The following ROBO2 variants were observed in gnomAD, a reference collection of about 807,000 sequenced individuals.
The protein encoded by ROBO2 is roundabout homolog 2.
Under a neutral mutation model 160.8 loss-of-function variants are expected in ROBO2, and 53 were observed. That is an observed-to-expected ratio of 0.33 (90% CI 0.26 to 0.41). The LOEUF (loss-of-function observed/expected upper bound fraction) is 0.41. Among genes scored for constraint, ROBO2 ranks in the 10% least tolerant of loss-of-function variants. ROBO2 has a pLI of 1.00. For missense variants in ROBO2, 1,577 were observed against 1,722.4 expected (o/e 0.92, Z 1.49); for synonymous variants, 664 against 611.7 (o/e 1.09, Z -1.26).
At chr3:76,308,371 T>C (rs867420738) in intron 2 of ROBO2, among the ~76,000 whole-genome samples, 17 of 69,092 alleles carry the variant, frequency 2.5e-4, no homozygotes, top group Admixed American at 1.6e-3. Context: ...CGTGAGACTC[T>C]GTCTCAAAAA....
At chr3:77,120,593 A>C (rs1167105162) in intron 2 of ROBO2, among the ~76,000 whole-genome samples, 2 of 152,346 alleles carry the variant, frequency 1.3e-5, no homozygotes, top group African/African-American at 4.8e-5. Context: ...TGCTCATTTT[A>C]GCAGTTGCAA....
intron 2 of ROBO2, among the ~76,000 whole-genome samples, chr3:76,629,987 A>G (rs1439425412): frequency 2.0e-5 from 3 of 152,080 alleles, no homozygotes; most frequent in East Asian, 3.9e-4. Context: ...CTCTTTTGAC[A>G]TAGAATCAGG....
intron 2 of ROBO2, among the ~76,000 whole-genome samples, chr3:76,348,783 G>A (rs542142403): frequency 1.2e-4 from 18 of 152,164 alleles, no homozygotes; most frequent in South Asian, 8.3e-4. Context: ...AGCCAAGGCC[G>A]TCTAACCACA....
chr3:77,525,096 C>G (rs762050791), intron 6 of ROBO2, among the ~76,000 whole-genome samples: 24 of 151,402 alleles, frequency 1.6e-4, no homozygotes, highest in Admixed American at 5.9e-4. Flanking sequence ...TTTCTATGCA[C>G]ATAAATGAAA....
chr3:77,294,010 A>T (rs1456540494), intron 2 of ROBO2, among the ~76,000 whole-genome samples: 6 of 142,592 alleles, frequency 4.2e-5, no homozygotes, highest in African/African-American at 1.6e-4. Context: ...GGGTACACTG[A>T]GGCTAGATCA....
chr3:76,654,506 G>A (rs1403014740), intron 2 of ROBO2, among the ~76,000 whole-genome samples: 1 of 152,012 alleles, frequency 6.6e-6, no homozygotes, highest in East Asian at 1.9e-4. Context: ...ACACACCAAA[G>A]CATGGTCACC....
chr3:76,111,931 A>G (rs140597131), intron 2 of ROBO2, among the ~76,000 whole-genome samples: 60 of 152,206 alleles, frequency 3.9e-4, no homozygotes, highest in African/African-American at 1.4e-3. Flanking sequence ...AAATCTGCAC[A>G]CTTCTCAGAA....
chr3:76,740,702 G>A (rs187592786), intron 2 of ROBO2, among the ~76,000 whole-genome samples: 74 of 152,006 alleles, frequency 4.9e-4, no homozygotes, highest in African/African-American at 1.5e-3. Context: ...TAAATTACCA[G>A]GGCTTTTAGA....
intron 2 of ROBO2, among the ~76,000 whole-genome samples, chr3:77,260,510 G>T (rs2058706493): frequency 1.3e-5 from 2 of 152,102 alleles, no homozygotes; most frequent in South Asian, 4.1e-4. Context: ...ATGATTTAGG[G>T]AATTCCTCAA....
At chr3:77,285,928 A>G (rs2060560590) in intron 2 of ROBO2, among the ~76,000 whole-genome samples, 1 of 152,184 alleles carries the variant, frequency 6.6e-6, no homozygotes, top group Admixed American at 6.5e-5. Flanking sequence ...CTATATAAAT[A>G]CCAATGCCCT....
chr3:76,049,261 G>A (rs1052732695), intron 2 of ROBO2, among the ~76,000 whole-genome samples: 14 of 151,616 alleles, frequency 9.2e-5, no homozygotes, highest in African/African-American at 3.4e-4. Flanking sequence ...AGGCTGGAGT[G>A]CAGTGGTGTG....
intron 2 of ROBO2, among the ~76,000 whole-genome samples, chr3:76,343,314 A>G (rs1161432801): frequency 2.0e-5 from 3 of 152,044 alleles, no homozygotes; most frequent in African/African-American, 7.2e-5. Flanking sequence ...GCCCTAAGTG[A>G]TAAAAATTCC....
chr3:76,002,764 G>C (rs1489563923), intron 2 of ROBO2, among the ~76,000 whole-genome samples: 3 of 152,088 alleles, frequency 2.0e-5, no homozygotes, highest in Non-Finnish European at 4.4e-5. Flanking sequence ...CATTAGGAGA[G>C]AGACTTCTCT....
chr3:77,574,565 G>T, exon 14 of ROBO2: 1 of 1,613,430 alleles, frequency 6.2e-7, no homozygotes, highest in Non-Finnish European at 8.5e-7. Flanking sequence ...AGGTCTGCAG[G>T]CGACATCTTC....
intron 2 of ROBO2, among the ~76,000 whole-genome samples, chr3:76,096,884 T>A (rs1335112434): frequency 6.6e-6 from 1 of 152,168 alleles, no homozygotes; most frequent in Admixed American, 6.5e-5. Context: ...TTTGTAATGC[T>A]TATAGTCTAG....
intron 1 of ROBO2, among the ~76,000 whole-genome samples, chr3:77,047,924 G>A (rs1479394697): frequency 6.6e-6 from 1 of 151,840 alleles, no homozygotes; most frequent in Non-Finnish European, 1.5e-5. Context: ...GCGGGCGCCT[G>A]TAGTCCCAGC....
intron 2 of ROBO2, among the ~76,000 whole-genome samples, chr3:76,614,877 T>C (rs1017202124): frequency 6.6e-5 from 10 of 152,090 alleles, no homozygotes; most frequent in African/African-American, 2.4e-4. Flanking sequence ...CGGGGTGACA[T>C]AGGAACTATC....
rs1187557893 is a variant in ROBO2, at chr3:76,709,196, GAGA to G, written c.110-388811_110-388809del. ...TATGCATTCCCCAAGGGAGAATCTA[GAGA>G]AGAAGAGGGAATACATATACATAAA... On this transcript the variant is annotated intron_variant, in intron 2 of 26. Coordinates refer to the ROBO2 transcript ENST00000487694. 2.6e-5 allele frequency among the ~76,000 whole-genome samples: 4 copies of G among 152,296 alleles called. No homozygotes were observed. The East Asian group carries it at 7.7e-4, about 29-fold the overall frequency.
At chr3:77,540,367 G>A (rs576680416) in intron 6 of ROBO2, among the ~76,000 whole-genome samples, 15 of 152,142 alleles carry the variant, frequency 9.9e-5, no homozygotes, top group Non-Finnish European at 2.1e-4. Flanking sequence ...ATCTTGGTTC[G>A]AACGGAACCA....
Sources: gnomAD v4.1 joint callset for allele counts (sites outside exome capture counted in the v4.1 genomes callset) on GRCh38, gnomAD v4.1.1 for gene constraint, MANE v1.5 for transcripts, NCBI Gene and HGNC (gene_info 2026-07-23, HGNC 2026-07-21) for gene names.